Variants in EBF2 observed in about 807,000 individuals in gnomAD.
The protein encoded by EBF2 is transcription factor COE2.
EBF2 carries 21 observed loss-of-function variants against 72.8 expected under a neutral mutation model. The ratio of observed to expected loss-of-function variants is 0.29; its 90% CI spans 0.20 to 0.42. EBF2 has a LOEUF of 0.42. EBF2 is among the 10% of genes least tolerant of loss of function. The pLI, the probability that EBF2 is intolerant of heterozygous loss-of-function variation, is 1.00. For missense variants in EBF2, 637 were observed against 731.2 expected (o/e 0.87, Z 1.49); for synonymous variants, 299 against 274.2 (o/e 1.09, Z -0.89).
At chr8:25,910,176 T>C (rs1180036277) in intron 6 of EBF2, among the ~76,000 whole-genome samples, 2 of 152,188 alleles carry the variant, frequency 1.3e-5, no homozygotes, top group African/African-American at 4.8e-5. Flanking sequence ...GAGAATTGCT[T>C]TTATGTAAGT....
chr8:25,890,426 A>G (rs906214810), intron 7 of EBF2, among the ~76,000 whole-genome samples: 1 of 152,162 alleles, frequency 6.6e-6, no homozygotes, highest in African/African-American at 2.4e-5. Context: ...TTCAGTGTTG[A>G]AAATAGAGGA....
intron 6 of EBF2, among the ~76,000 whole-genome samples, chr8:25,998,009 A>G (rs1377525523): frequency 6.6e-6 from 1 of 152,330 alleles, no homozygotes; most frequent in Non-Finnish European, 1.5e-5. Context: ...AAAAATTATA[A>G]CTAGAGACTT....
chr8:25,876,778 G>T (rs77177524), intron 10 of EBF2, among the ~76,000 whole-genome samples: 9,543 of 152,208 alleles, frequency 0.063, 433 homozygotes, highest in African/African-American at 0.11. Flanking sequence ...GGTGACCTTA[G>T]GCAAGTGACT....
chr8:25,991,775 G>A (rs574516278), intron 6 of EBF2, among the ~76,000 whole-genome samples: 2 of 152,164 alleles, frequency 1.3e-5, no homozygotes, highest in South Asian at 4.2e-4. Flanking sequence ...GTACCCAGGA[G>A]GCAGAGGTTG....
At chr8:25,952,159 G>A (rs912607924) in intron 6 of EBF2, among the ~76,000 whole-genome samples, 1 of 152,028 alleles carries the variant, frequency 6.6e-6, no homozygotes, top group Non-Finnish European at 1.5e-5. Context: ...AGCCATGCAT[G>A]GTGGCTTGTG....
At chr8:25,886,962 C>T (rs1802700194) in intron 9 of EBF2, 81 bp from the exon 10 acceptor site, 2 of 1,483,246 alleles carry the variant, frequency 1.3e-6, no homozygotes, top group African/African-American at 1.4e-5. Flanking sequence ...ACATCTCCCA[C>T]TATTGCTCCC....
rs548767878 is a variant in EBF2, at chr8:25,958,813, T to A, written c.552-50258A>T. Among the ~76,000 whole-genome samples, 37 of 152,342 alleles carry A rather than the reference T, an allele frequency of 2.4e-4. No individual in the cohort carries two copies. The South Asian group carries it at 7.7e-3, about 32-fold the overall frequency. ...TGTTTACACTAAGGCCCAGGAGAAC[T>A]TTTCCCCACATATGGTGACCCAGTA... On this transcript the variant is annotated intron_variant, in intron 6 of 15. Transcript: ENST00000520164.
chr8:26,033,251 C>T, intron 5 of EBF2, 98 bp from the exon 6 acceptor site: 1 of 1,192,672 alleles, frequency 8.4e-7, no homozygotes, highest in Non-Finnish European at 1.2e-6. Context: ...CAGACAGAGT[C>T]TGGCTCTGTC....
At chr8:26,021,001 G>A (rs563466618) in intron 6 of EBF2, among the ~76,000 whole-genome samples, 5 of 152,318 alleles carry the variant, frequency 3.3e-5, no homozygotes, top group South Asian at 2.1e-4. Context: ...TTTATCACTC[G>A]AGCCTAAACA....
intron 6 of EBF2, among the ~76,000 whole-genome samples, chr8:25,910,012 G>A (rs1010926505): frequency 1.3e-5 from 2 of 152,144 alleles, no homozygotes; most frequent in Non-Finnish European, 2.9e-5. Context: ...TGCCCCGGAG[G>A]TGTTGGGGTC....
intron 7 of EBF2, among the ~76,000 whole-genome samples, chr8:25,900,526 G>C (rs1392519756): frequency 1.3e-5 from 2 of 152,066 alleles, no homozygotes; most frequent in African/African-American, 2.4e-5. Flanking sequence ...TGAGGCCAAG[G>C]ATGACACGAC....
chr8:25,994,116 G>A (rs557757611), intron 6 of EBF2, among the ~76,000 whole-genome samples: 1 of 151,528 alleles, frequency 6.6e-6, no homozygotes, highest in African/African-American at 2.4e-5. Flanking sequence ...AATATGAAGG[G>A]GACTAGTGAG....
intron 14 of EBF2, among the ~76,000 whole-genome samples, chr8:25,855,167 C>A (rs955485716): frequency 6.6e-6 from 1 of 152,166 alleles, no homozygotes; most frequent in African/African-American, 2.4e-5. Context: ...TAAGGAAAAA[C>A]CACTTTTCTT....
chr8:25,847,545 G>C (rs890667754), intron 15 of EBF2, among the ~76,000 whole-genome samples: 3 of 152,180 alleles, frequency 2.0e-5, no homozygotes, highest in Non-Finnish European at 2.9e-5. Flanking sequence ...CCTCCTCCCA[G>C]CCAGGCTGTA....
chr8:25,844,742 G>T, intron 15 of EBF2, 102 bp from the exon 16 acceptor site: 1 of 1,437,836 alleles, frequency 7.0e-7, no homozygotes, highest in Non-Finnish European at 9.8e-7. Flanking sequence ...AGAGTCTGAT[G>T]CTATTCAAGG....
chr8:25,886,706 C>G (rs1021327200), intron 10 of EBF2, 49 bp downstream of exon 10: 3 of 1,566,536 alleles, frequency 1.9e-6, no homozygotes, highest in African/African-American at 1.4e-5. Context: ...GGAACTAGCG[C>G]AAAGGCAAAC....
In EBF2 at chr8:25,869,351, T is replaced by C. The variant is rs185102709; in HGVS notation, c.1010-6554A>G. On this transcript the variant is annotated intron_variant, in intron 10 of 15. Transcript: ENST00000520164. The stretch of plus-strand genomic sequence containing the variant: ...AGACAGGGGAGCCTCAGGGTGGTTG[T>C]TGGTGTCTCCCCCATCACTTCCTTG... Among the ~76,000 whole-genome samples, 4 of 152,224 alleles carry C rather than the reference T, an allele frequency of 2.6e-5. No homozygotes were observed. The East Asian group carries it at 7.7e-4, about 29-fold the overall frequency.
intron 7 of EBF2, among the ~76,000 whole-genome samples, chr8:25,894,818 C>A (rs1389518017): frequency 2.6e-5 from 4 of 152,204 alleles, no homozygotes; most frequent in Non-Finnish European, 2.9e-5. Context: ...CTAAGATCAA[C>A]TGATCTGCTT....
chr8:26,030,884 A>G (rs1425526523), intron 6 of EBF2, among the ~76,000 whole-genome samples: 1 of 152,252 alleles, frequency 6.6e-6, no homozygotes. Context: ...AAGGCGCCTA[A>G]TATGAAAATC....
Sources: allele counts gnomAD v4.1 joint callset (sites outside exome capture counted in the v4.1 genomes callset), GRCh38; gene constraint gnomAD v4.1.1; transcripts MANE v1.5; gene names NCBI Gene and HGNC (gene_info 2026-07-23, HGNC 2026-07-21).